The following ALG9 variants were observed in gnomAD, a reference collection of about 807,000 sequenced individuals.
ALG9 encodes ALG9 alpha-1,2-mannosyltransferase.
In ALG9, 55 loss-of-function variants were observed where a neutral mutation model predicts 81.8. That is an observed-to-expected ratio of 0.67 (90% CI 0.54 to 0.84). The LOEUF (loss-of-function observed/expected upper bound fraction) is 0.84. Among genes scored for constraint, ALG9 ranks in the 40% least tolerant of loss-of-function variants. The probability of loss-of-function intolerance (pLI) is 0.00; values close to 1 mark genes in which losing one functional copy is unlikely to be tolerated. For synonymous variants in ALG9, 278 were observed against 274.3 expected, an observed-to-expected ratio of 1.01 and a Z score of -0.13; for missense variants, 629 against 745.0, an observed-to-expected ratio of 0.84 and a Z score of 1.81.
At chr11:111,861,848 T>C (rs1387265529) in intron 4 of ALG9, among the ~76,000 whole-genome samples, 1 of 152,160 alleles carries the variant, frequency 6.6e-6, no homozygotes, top group African/African-American at 2.4e-5. Context: ...TGGCTTAACC[T>C]AATATACAAT....
At chr11:111,771,751 C>T in the ALG9 span, among the ~76,000 whole-genome samples, 2 of 152,210 alleles carry the variant, frequency 1.3e-5, no homozygotes, top group Non-Finnish European at 2.9e-5. Flanking sequence ...CTTAATTCAT[C>T]GCAAAGTAGT....
intron 3 of ALG9, among the ~76,000 whole-genome samples, chr11:111,866,493 C>T (rs1217891787): frequency 6.6e-6 from 1 of 152,062 alleles, no homozygotes; most frequent in Non-Finnish European, 1.5e-5. Flanking sequence ...TCCTTCTCTA[C>T]TCAACGTTAT....
At chr11:111,795,541 C>A (rs1948140466) in intron 14 of ALG9, among the ~76,000 whole-genome samples, 2 of 152,172 alleles carry the variant, frequency 1.3e-5, no homozygotes, top group African/African-American at 4.8e-5. Flanking sequence ...TCAGCATTAT[C>A]CATGTGACCA....
At chr11:111,870,084 T>C (rs1592455524) in intron 2 of ALG9, 148 bp downstream of exon 2, 1 of 950,612 alleles carries the variant, frequency 1.1e-6, no homozygotes, top group African/African-American at 1.7e-5. Flanking sequence ...AGTGCTGGGA[T>C]TATAGGCCTG....
chr11:111,849,028 T>G (rs1167249173), intron 8 of ALG9, among the ~76,000 whole-genome samples: 1 of 151,286 alleles, frequency 6.6e-6, no homozygotes. Flanking sequence ...CAAAAGCAAT[T>G]TATTCAATGT....
At chr11:111,811,535 T>A (rs1161207649) in intron 13 of ALG9, among the ~76,000 whole-genome samples, 38 of 130,048 alleles carry the variant, frequency 2.9e-4, no homozygotes, top group Non-Finnish European at 5.6e-4. Context: ...AGAGTAAGAC[T>A]CTGTCTCAAA....
intron 13 of ALG9, among the ~76,000 whole-genome samples, chr11:111,814,016 A>G (rs1031799303): frequency 5.9e-5 from 9 of 152,246 alleles, no homozygotes; most frequent in South Asian, 2.1e-4. Context: ...GGTAATTCAT[A>G]TGGTTCAACC....
chr11:111,853,471 G>T lies in ALG9; in HGVS notation c.804C>A (p.Val268=). The T allele has an allele frequency of 6.2e-7, 1 of 1,613,622 alleles. No homozygotes were observed. Among genetic ancestry groups the T allele is most frequent in the South Asian group, 1.1e-5 (1 of 91,044 alleles). ...ACTTCCCATAATAGTAGCTGTCAAT[G>T]ACCACCACAGGCACCTAAAACAGAG... ...ALILFLVPVV[V]IDSYYYGKLV... Residue 268 remains valine (V), a synonymous_variant, in exon 8 of 15, where the codon GTC becomes GTA. Transcript: ENST00000616540.
intron 4 of ALG9, among the ~76,000 whole-genome samples, chr11:111,864,031 A>C (rs1188444455): frequency 1.3e-5 from 2 of 152,244 alleles, no homozygotes; most frequent in African/African-American, 4.8e-5. Flanking sequence ...CTTCAGATTT[A>C]ATATCAGGAG....
At chr11:111,825,343 T>C (rs1163762423) in intron 13 of ALG9, among the ~76,000 whole-genome samples, 3 of 152,190 alleles carry the variant, frequency 2.0e-5, no homozygotes, top group African/African-American at 7.2e-5. Context: ...TTTAAACAAA[T>C]GTAAAATTTG....
intron 13 of ALG9, among the ~76,000 whole-genome samples, chr11:111,834,585 T>G (rs1429533182): frequency 6.6e-6 from 1 of 152,216 alleles, no homozygotes; most frequent in East Asian, 1.9e-4. Flanking sequence ...CCCAAGGTTA[T>G]CAAGTTTAGC....
At chr11:111,850,509 C>T (rs976913452) in intron 8 of ALG9, among the ~76,000 whole-genome samples, 2 of 151,338 alleles carry the variant, frequency 1.3e-5, no homozygotes, top group Non-Finnish European at 2.9e-5. Flanking sequence ...AGTTCAAGAG[C>T]AGCCTGGCCA....
intron 14 of ALG9, among the ~76,000 whole-genome samples, chr11:111,795,349 C>T (rs571426456): frequency 5.9e-5 from 9 of 152,114 alleles, no homozygotes; most frequent in African/African-American, 1.7e-4. Flanking sequence ...AAAGCCATTA[C>T]GTGGGGCAGA....
rs1222509784 is a variant in ALG9, at chr11:111,818,510, C to T, written c.1603-8737G>A. ...GTTAGAGAACTGTTTTCTGTTCCTA[C>T]TCGTGGAACATTCCCTGTTGTCCCC... On this transcript the variant is annotated intron_variant, in intron 13 of 14. Coordinates refer to ENST00000616540, the MANE Select transcript of ALG9 (RefSeq NM_024740.2). Among the ~76,000 whole-genome samples the T allele has an allele frequency of 2.0e-5, 3 of 152,180 alleles. No homozygotes were observed. In the East Asian group the frequency reaches 5.8e-4, roughly 29 times the overall value.
At chr11:111,844,762 C>G in intron 8 of ALG9, 39 bp from the exon 9 acceptor site, 1 of 1,604,468 alleles carries the variant, frequency 6.2e-7, no homozygotes, top group Non-Finnish European at 8.5e-7. Context: ...TTAGTGGATG[C>G]CTTTAACACC....
At chr11:111,780,089 CT>C (rs1188376806), downstream of ALG9, among the ~76,000 whole-genome samples, 1 of 152,164 alleles carries the variant, frequency 6.6e-6, no homozygotes, top group East Asian at 1.9e-4. Context: ...GCCAGACTTC[CT>C]TTTCCTAGCA....
chr11:111,809,544 G>A, intron 14 of ALG9, 99 bp downstream of exon 14: 1 of 1,361,918 alleles, frequency 7.3e-7, no homozygotes, highest in South Asian at 1.2e-5. Context: ...ACACACGATG[G>A]CTACTAGAGT....
intron 8 of ALG9, among the ~76,000 whole-genome samples, chr11:111,849,045 CTTT>C (rs1957345964): frequency 3.3e-5 from 5 of 151,686 alleles, no homozygotes; most frequent in African/African-American, 4.8e-5. Flanking sequence ...ATGTTTCTTT[CTTT>C]CTTTCTTTCT....
At chr11:111,847,401 G>A (rs1293252233) in intron 8 of ALG9, among the ~76,000 whole-genome samples, 1 of 152,188 alleles carries the variant, frequency 6.6e-6, no homozygotes, top group Non-Finnish European at 1.5e-5. Context: ...CAGGCAATGG[G>A]ATCCTGTCCT....
Sources: gnomAD v4.1 joint callset for allele counts (sites outside exome capture counted in the v4.1 genomes callset) on GRCh38, gnomAD v4.1.1 for gene constraint, MANE v1.5 for transcripts, NCBI Gene and HGNC (gene_info 2026-07-23, HGNC 2026-07-21) for gene names.